The following ENAH variants were observed in gnomAD, a reference collection of about 807,000 sequenced individuals.
ENAH encodes the protein ENAH actin regulator, also known as protein enabled homolog.
A neutral mutation model predicts 78.7 loss-of-function variants in ENAH; 23 were observed. That is an observed-to-expected ratio of 0.29 (90% CI 0.21 to 0.41). The LOEUF (loss-of-function observed/expected upper bound fraction) is 0.41, where lower values mean the gene tolerates loss of function less well. ENAH is among the 10% of genes least tolerant of loss of function. The probability of loss-of-function intolerance (pLI) is 1.00; values close to 1 mark genes in which losing one functional copy is unlikely to be tolerated. For synonymous variants in ENAH, 226 were observed against 241.0 expected (o/e 0.94, Z 0.58); for missense variants, 544 against 691.0 (o/e 0.79, Z 2.39).
At chr1:225,499,887 C>A (rs2096272304) in intron 12 of ENAH, among the ~76,000 whole-genome samples, 1 of 152,128 alleles carries the variant, frequency 6.6e-6, no homozygotes, top group Admixed American at 6.5e-5. Flanking sequence ...TAAAATAAAA[C>A]TATCAATTAG....
At chr1:225,606,752 A>T (rs192851911) in intron 1 of ENAH, among the ~76,000 whole-genome samples, 8 of 147,854 alleles carry the variant, frequency 5.4e-5, no homozygotes, top group Admixed American at 4.1e-4. Context: ...CTGAGGTAGG[A>T]GAATCCCTTG....
chr1:225,555,432 A>C (rs1169318155), intron 2 of ENAH, among the ~76,000 whole-genome samples: 2 of 152,128 alleles, frequency 1.3e-5, no homozygotes, highest in Non-Finnish European at 2.9e-5. Flanking sequence ...AATACAAAAA[A>C]TTAGCCAGGC....
chr1:225,591,196 C>T (rs769616338), intron 1 of ENAH, among the ~76,000 whole-genome samples: 3 of 152,142 alleles, frequency 2.0e-5, no homozygotes, highest in Non-Finnish European at 4.4e-5. Flanking sequence ...AGGCCAGGCG[C>T]GGTGGCTCAT....
intron 1 of ENAH, among the ~76,000 whole-genome samples, chr1:225,598,839 AT>A (rs1233122201): frequency 6.7e-6 from 1 of 149,648 alleles, no homozygotes; most frequent in African/African-American, 2.5e-5. Flanking sequence ...CTATAATAAT[AT>A]TTGATTCAGG....
At chr1:225,586,354 T>C (rs570361238) in intron 1 of ENAH, among the ~76,000 whole-genome samples, 6 of 150,966 alleles carry the variant, frequency 4.0e-5, no homozygotes, top group Non-Finnish European at 8.8e-5. Context: ...GAAATTGATA[T>C]ATGAAGCTCC....
At chr1:225,620,462 C>T (rs1033228852) in intron 1 of ENAH, among the ~76,000 whole-genome samples, 1 of 151,874 alleles carries the variant, frequency 6.6e-6, no homozygotes, top group African/African-American at 2.4e-5. Context: ...ACCCAGGGGG[C>T]GGAGGTTGCA....
intron 1 of ENAH, among the ~76,000 whole-genome samples, chr1:225,636,203 C>T (rs1014099136): frequency 3.9e-5 from 6 of 152,168 alleles, no homozygotes; most frequent in Non-Finnish European, 7.3e-5. Flanking sequence ...TACCCAAGAT[C>T]TGCATAAATT....
intron 3 of ENAH, among the ~76,000 whole-genome samples, chr1:225,531,624 CCAGCAAATGCTCCTAA>C (rs2096537903): frequency 6.6e-6 from 1 of 152,060 alleles, no homozygotes; most frequent in Non-Finnish European, 1.5e-5. Context: ...TTCTAGTGTA[CCAGCAAATGCTCCTAA>C]CAGATATTCT....
chr1:225,555,331 A>G (rs2151427418), intron 2 of ENAH, among the ~76,000 whole-genome samples: 1 of 152,368 alleles, frequency 6.6e-6, no homozygotes, highest in South Asian at 2.1e-4. Context: ...CTGTAATCCC[A>G]GCACTTTGGG....
chr1:225,594,206 A>G (rs1345696529), intron 1 of ENAH, among the ~76,000 whole-genome samples: 2 of 152,238 alleles, frequency 1.3e-5, no homozygotes, highest in Admixed American at 1.3e-4. Context: ...TGACAGGCAC[A>G]TGCAATATAT....
At chr1:225,562,014 T>C (rs1399162340) in intron 2 of ENAH, among the ~76,000 whole-genome samples, 1 of 152,130 alleles carries the variant, frequency 6.6e-6, no homozygotes, top group Non-Finnish European at 1.5e-5. Context: ...TCTTTGCTTA[T>C]GTGCTTAACA....
In ENAH at chr1:225,519,102, A is replaced by C. The variant is rs1384387564; in HGVS notation, c.802+96T>G. On this transcript the variant is annotated intron_variant, in intron 5 of 13. Transcript: ENST00000366843. ...TTTCAAATTGTATGGCTTAATCCCA[A>C]ACATCTCAAATGTGAAATATTTTAA... 3.3e-6 allele frequency: 5 copies of C among 1,513,170 alleles called. 1 individual carries two copies. Among genetic ancestry groups the C allele is most frequent in the Admixed American group, 4.3e-5 (2 of 46,412 alleles). The allele number at this position is 1,513,170 out of a possible 1,614,324, so 93.7% of individuals were successfully genotyped here.
chr1:225,612,536 TTTAA>T (rs2096996411), intron 1 of ENAH, among the ~76,000 whole-genome samples: 1 of 152,174 alleles, frequency 6.6e-6, no homozygotes, highest in Non-Finnish European at 1.5e-5. Flanking sequence ...TGTGGATTTA[TTTAA>T]TGCCACAGAA....
rs537441536 is a variant in ENAH, at chr1:225,571,991, A to C, written c.6-4577T>G. On this transcript the variant is annotated intron_variant, in intron 1 of 13. Coordinates refer to ENST00000366843, the MANE Select transcript of ENAH (RefSeq NM_018212.6). ...TGGGAATCATTCTAGCAAATTATCA[A>C]ATGTGGGTTGGGTGGTTTCAGGAAC... Among the ~76,000 whole-genome samples, 5 of 152,230 alleles carry C rather than the reference A, an allele frequency of 3.3e-5. No individual in the cohort carries two copies. In the East Asian group the frequency reaches 9.6e-4, roughly 29 times the overall value.
rs2096404477 is a variant in ENAH, at chr1:225,514,774, G to A, written c.1040C>T (p.Pro347Leu). 7.0e-7 allele frequency: 1 copy of A among 1,419,096 alleles called. No homozygotes were observed. The allele number at this position is 1,419,096 out of a possible 1,614,324, so 87.9% of individuals were successfully genotyped here. The change falls in exon 7 of 14, where the codon CCT becomes CTT. Residue 347 changes from proline (P) to leucine (L), a missense_variant. Coordinates refer to ENST00000366843, the MANE Select transcript of ENAH (RefSeq NM_018212.6). ...AGGAGGGGGAGGAGGGGGCGGTGGA[G>A]GCCCGGTGGATGGGAGTGGAGGAGG... ...PPPPPLPSTGPPPPPPPPPLP... is the reference protein window; with the variant it reads ...PPPPPLPSTGLPPPPPPPPLP...
intron 1 of ENAH, among the ~76,000 whole-genome samples, chr1:225,575,457 CCT>C (rs1164245478): frequency 3.9e-5 from 6 of 152,154 alleles, no homozygotes; most frequent in African/African-American, 1.4e-4. Flanking sequence ...TATAATTGGG[CCT>C]CTGTCTTCCT....
intron 1 of ENAH, among the ~76,000 whole-genome samples, chr1:225,637,798 C>G (rs1479611972): frequency 6.6e-6 from 1 of 152,040 alleles, no homozygotes; most frequent in Non-Finnish European, 1.5e-5. Flanking sequence ...TGGCAGGTGC[C>G]TATAGTCCCA....
At chr1:225,507,755 A>T (rs2096344676) in intron 11 of ENAH, among the ~76,000 whole-genome samples, 196 bp downstream of exon 11, 2 of 152,160 alleles carry the variant, frequency 1.3e-5, no homozygotes, top group South Asian at 4.1e-4. Flanking sequence ...AATGTAGGGT[A>T]GAATTTATCA....
intron 1 of ENAH, among the ~76,000 whole-genome samples, chr1:225,617,073 G>C (rs974521539): frequency 6.6e-6 from 1 of 151,318 alleles, no homozygotes; most frequent in East Asian, 1.9e-4. Context: ...CACTCCAGCC[G>C]GGGCAACACA....
Sources: gnomAD v4.1 joint callset for allele counts (sites outside exome capture counted in the v4.1 genomes callset) on GRCh38, gnomAD v4.1.1 for gene constraint, MANE v1.5 for transcripts, NCBI Gene and HGNC (gene_info 2026-07-23, HGNC 2026-07-21) for gene names.